The following PTPRK variants were observed in gnomAD, a reference collection of about 807,000 sequenced individuals.
PTPRK encodes the protein receptor-type tyrosine-protein phosphatase kappa.
PTPRK carries 75 observed loss-of-function variants against 178.0 expected under a neutral mutation model. The observed-to-expected ratio is 0.42, with a 90% CI of 0.35 to 0.51. The LOEUF (loss-of-function observed/expected upper bound fraction) is 0.51. Ranked by LOEUF, PTPRK falls within the 20% of genes least tolerant of loss-of-function variation. PTPRK has a pLI of 0.02. For missense variants in PTPRK, 1,441 were observed against 1,797.8 expected, an observed-to-expected ratio of 0.80 and a Z score of 3.59; for synonymous variants, 637 against 620.6, an observed-to-expected ratio of 1.03 and a Z score of -0.39.
intron 24 of PTPRK, among the ~76,000 whole-genome samples, chr6:127,981,823 T>C (rs1456390717): frequency 6.6e-6 from 1 of 152,172 alleles, no homozygotes; most frequent in African/African-American, 2.4e-5. Context: ...TCATTTATTA[T>C]TATTATTACT....
chr6:128,116,693 G>A (rs1262497761), intron 7 of PTPRK, among the ~76,000 whole-genome samples: 1 of 152,162 alleles, frequency 6.6e-6, no homozygotes, highest in Non-Finnish European at 1.5e-5. Context: ...CTGGATCCAC[G>A]AATAACCAGG....
chr6:127,975,667 T>C (rs1774467854), intron 27 of PTPRK, among the ~76,000 whole-genome samples: 1 of 152,194 alleles, frequency 6.6e-6, no homozygotes, highest in African/African-American at 2.4e-5. Context: ...ATAATCTAAA[T>C]TGTTTTTATT....
chr6:128,060,738 T>C (rs1780666687), intron 13 of PTPRK, among the ~76,000 whole-genome samples: 1 of 152,190 alleles, frequency 6.6e-6, no homozygotes, highest in Non-Finnish European at 1.5e-5. Context: ...CATTAGTTTA[T>C]AGATTATATT....
chr6:128,259,766 T>C (rs1050844450), intron 3 of PTPRK, among the ~76,000 whole-genome samples: 12 of 152,170 alleles, frequency 7.9e-5, no homozygotes, highest in Non-Finnish European at 1.5e-4. Context: ...AAATTCTAAG[T>C]ATACTACCTT....
At chr6:128,060,027 T>C (rs962263590) in intron 13 of PTPRK, among the ~76,000 whole-genome samples, 2 of 152,110 alleles carry the variant, frequency 1.3e-5, no homozygotes, top group Admixed American at 6.6e-5. Context: ...TCTAGGAACA[T>C]GGTGGAGAAG....
intron 7 of PTPRK, among the ~76,000 whole-genome samples, chr6:128,136,232 G>A (rs761993368): frequency 6.6e-6 from 1 of 152,116 alleles, no homozygotes; most frequent in Non-Finnish European, 1.5e-5. Flanking sequence ...CCAGAACCAT[G>A]GTGTTTAAGC....
intron 2 of PTPRK, among the ~76,000 whole-genome samples, chr6:128,350,057 A>G (rs1016156079): frequency 8.5e-5 from 13 of 152,164 alleles, no homozygotes; most frequent in African/African-American, 2.9e-4. Flanking sequence ...TCATGTACTA[A>G]GAAAACTATG....
chr6:128,450,514 A>G (rs1297042885), intron 1 of PTPRK, among the ~76,000 whole-genome samples: 1 of 152,184 alleles, frequency 6.6e-6, no homozygotes, highest in Non-Finnish European at 1.5e-5. Context: ...CAAACCACGG[A>G]TACTCAAAGT....
intron 5 of PTPRK, among the ~76,000 whole-genome samples, chr6:128,231,605 G>C (rs991548263): frequency 1.3e-5 from 2 of 152,264 alleles, no homozygotes; most frequent in Admixed American, 1.3e-4. Flanking sequence ...AGAGGTTTAA[G>C]TTGGCGACAA....
chr6:128,453,946 C>T (rs1331154958), intron 1 of PTPRK, among the ~76,000 whole-genome samples: 1 of 152,100 alleles, frequency 6.6e-6, no homozygotes, highest in African/African-American at 2.4e-5. Flanking sequence ...CAAAGTTCTT[C>T]TATAGAAGTT....
intron 3 of PTPRK, among the ~76,000 whole-genome samples, chr6:128,319,648 A>T (rs535535735): frequency 6.6e-6 from 1 of 152,262 alleles, no homozygotes; most frequent in South Asian, 2.1e-4. Flanking sequence ...CACCTAAAAC[A>T]CCAATCAAAA....
At chr6:128,504,863 T>C (rs1420895528) in intron 1 of PTPRK, among the ~76,000 whole-genome samples, 1 of 152,190 alleles carries the variant, frequency 6.6e-6, no homozygotes, top group African/African-American at 2.4e-5. Context: ...TTACTCATTT[T>C]CTGATTCAGT....
rs1411335756 is a variant in PTPRK at position 128,184,597 on chromosome 6, T to G, written c.997A>C (p.Thr333Pro). 2 of 1,613,928 alleles carry G rather than the reference T, an allele frequency of 1.2e-6. No homozygotes were observed. Among genetic ancestry groups the G allele is most frequent in the East Asian group, 2.2e-5 (1 of 44,870 alleles). ...IILKEVEYRMTSGSWTETHAV... is the reference protein window; with the variant it reads ...IILKEVEYRMPSGSWTETHAV... ...TGGGTTTCTGTCCAGGATCCTGATG[T>G]CATTCGGTACTCTACTTCTTTCAGG... Residue 333 changes from threonine to proline, a missense_variant, in exon 7 of 30, where the codon ACA becomes CCA. Thr to Pro is a conservative substitution (Grantham distance 38, BLOSUM62 -1). Transcript: ENST00000368226.
intron 2 of PTPRK, among the ~76,000 whole-genome samples, chr6:128,396,370 T>A (rs1840305175): frequency 6.7e-6 from 1 of 148,814 alleles, no homozygotes; most frequent in African/African-American, 2.4e-5. Flanking sequence ...ATATAATATA[T>A]AATTATGTAC....
At chr6:128,035,484 C>T (rs1239882115) in intron 13 of PTPRK, among the ~76,000 whole-genome samples, 1 of 152,102 alleles carries the variant, frequency 6.6e-6, no homozygotes, top group African/African-American at 2.4e-5. Context: ...GGTAATGATA[C>T]AATATAAGGC....
At chr6:128,357,206 T>G (rs1303944112) in intron 2 of PTPRK, among the ~76,000 whole-genome samples, 1 of 152,192 alleles carries the variant, frequency 6.6e-6, no homozygotes, top group Admixed American at 6.5e-5. Flanking sequence ...AATTACCTAA[T>G]GAAACAATGA....
chr6:128,428,001 G>C (rs1235405538), intron 1 of PTPRK, among the ~76,000 whole-genome samples: 1 of 152,074 alleles, frequency 6.6e-6, no homozygotes, highest in Non-Finnish European at 1.5e-5. Context: ...GCTGAGGCAG[G>C]GGAATCACTT....
intron 3 of PTPRK, among the ~76,000 whole-genome samples, chr6:128,280,715 A>G (rs963609226): frequency 2.0e-5 from 3 of 152,208 alleles, no homozygotes. Context: ...TTATGTTCAC[A>G]AAAACAATAT....
At chr6:128,472,466 C>A (rs1056171247) in intron 1 of PTPRK, among the ~76,000 whole-genome samples, 1 of 131,376 alleles carries the variant, frequency 7.6e-6, no homozygotes, top group African/African-American at 2.8e-5. Flanking sequence ...TTGTTTTTAT[C>A]TTTTTATTTT....
Sources: gnomAD v4.1 joint callset for allele counts (sites outside exome capture counted in the v4.1 genomes callset) on GRCh38, gnomAD v4.1.1 for gene constraint, MANE v1.5 for transcripts, NCBI Gene and HGNC (gene_info 2026-07-23, HGNC 2026-07-21) for gene names.